The following RC3H2 variants were observed in gnomAD, a reference collection of about 807,000 sequenced individuals.
RC3H2 encodes ring finger and CCCH-type domains 2.
In RC3H2, 31 loss-of-function variants were observed where a neutral mutation model predicts 133.3. The ratio of observed to expected loss-of-function variants is 0.23; its 90% confidence interval spans 0.17 to 0.31. RC3H2 has a LOEUF of 0.31. Ranked by LOEUF, RC3H2 falls within the 10% of genes least tolerant of loss-of-function variation. The pLI is 1.00. For synonymous variants in RC3H2, 517 were observed against 502.2 expected, an observed-to-expected ratio of 1.03 and a Z score of -0.40; for missense variants, 1,175 against 1,437.2, an observed-to-expected ratio of 0.82 and a Z score of 2.95.
At chr9:122,892,515 C>T (rs772645446) in intron 3 of RC3H2, among the ~76,000 whole-genome samples, 1 of 152,064 alleles carries the variant, frequency 6.6e-6, no homozygotes, top group Admixed American at 6.6e-5. Flanking sequence ...GGGTTCACGC[C>T]ATTCTCCTGC....
chr9:122,858,635 T>C (rs371429942), intron 12 of RC3H2, 34 bp downstream of exon 12: 2 of 1,567,000 alleles, frequency 1.3e-6, no homozygotes, highest in Admixed American at 1.7e-5. Flanking sequence ...CACTGGGCTG[T>C]TAATGACTAC....
chr9:122,857,088 A>G (rs1293129711), intron 13 of RC3H2, among the ~76,000 whole-genome samples: 5 of 152,210 alleles, frequency 3.3e-5, no homozygotes, highest in Non-Finnish European at 7.3e-5. Context: ...TCCAGGGGGA[A>G]GAGGGGGTAT....
rs891670470 is a variant in RC3H2 at position 122,852,941 on chromosome 9, G to C, written c.3117+1011C>G. Among the ~76,000 whole-genome samples, 88 of 152,328 alleles carry C rather than the reference G, an allele frequency of 5.8e-4. No individual in the cohort carries two copies. The South Asian group carries it at 0.016, about 28-fold the overall frequency. On this transcript the variant is annotated intron_variant, in intron 18 of 20. Transcript: ENST00000357244. ...AATGGCGGTTTTGTGGAATAGAAAG[G>C]GGGGAAAGGTGGGGAAAAGATTGAG... is the stretch of plus-strand genomic sequence containing the variant.
chr9:122,890,897 C>G (rs1198132087), intron 3 of RC3H2, among the ~76,000 whole-genome samples: 1 of 152,004 alleles, frequency 6.6e-6, no homozygotes, highest in African/African-American at 2.4e-5. Context: ...ATCAAATTTT[C>G]CCTCTTTACT....
chr9:122,869,292 A>G (rs536166076), intron 9 of RC3H2, among the ~76,000 whole-genome samples: 1 of 151,222 alleles, frequency 6.6e-6, no homozygotes, highest in East Asian at 1.9e-4. Flanking sequence ...ATATATGCCT[A>G]AAGTAATGTT....
chr9:122,873,659 A>G (rs1178367308), intron 9 of RC3H2: 1 of 152,004 alleles, frequency 6.6e-6, no homozygotes, highest in African/African-American at 2.4e-5. Flanking sequence ...GTTGCAAGTG[A>G]GCCAAGATCA....
Position 122,890,293 on chromosome 9 carries a change from A to C in RC3H2, c.583+19T>G, listed in dbSNP as rs757816562. ...GCCCCAATAGCTAATAAAAAAGGTAAGATAGTAACCTATCTTACCTGGCCC... is the reference window on the plus strand; with the variant it reads ...GCCCCAATAGCTAATAAAAAAGGTACGATAGTAACCTATCTTACCTGGCCC... On this transcript the variant is annotated intron_variant, in intron 4 of 20. Coordinates refer to ENST00000357244, the MANE Select transcript of RC3H2 (RefSeq NM_001100588.3). 1 of 1,605,792 alleles carries C rather than the reference A, an allele frequency of 6.2e-7. No individual in the cohort carries two copies. Among genetic ancestry groups the C allele is most frequent in the Non-Finnish European group, 8.5e-7 (1 of 1,172,988 alleles).
At chr9:122,854,891 G>A (rs925574178) in intron 15 of RC3H2, among the ~76,000 whole-genome samples, 1 of 152,082 alleles carries the variant, frequency 6.6e-6, no homozygotes, top group Non-Finnish European at 1.5e-5. Flanking sequence ...ATCACATGAG[G>A]CCAGGAGTTC....
At chr9:122,852,820 G>T (rs1264015619) in intron 18 of RC3H2, among the ~76,000 whole-genome samples, 2 of 150,104 alleles carry the variant, frequency 1.3e-5, no homozygotes, top group South Asian at 2.1e-4. Flanking sequence ...GCCTCTGCCC[G>T]GCCGCCCCTA....
Position 122,848,718 on chromosome 9 carries a change from G to C in RC3H2, c.*909C>G, listed in dbSNP as rs538214554. The C allele has an allele frequency of 6.6e-6, 1 of 152,128 alleles. No individual in the cohort carries two copies. Among genetic ancestry groups the C allele is most frequent in the Non-Finnish European group, 1.5e-5 (1 of 67,980 alleles). 9.4% of individuals were successfully genotyped at this position (152,128 alleles called of 1,614,324 possible). A position where few individuals can be genotyped will look rare whatever the true frequency, so the allele number is the denominator to read the frequency against. On this transcript the variant is annotated 3_prime_UTR_variant, in exon 21 of 21. Transcript: ENST00000357244. ...AACGCTACATACAGGGTTTTCTCAA[G>C]AAAGCTGAAAGCACCTGATTCTTTT...
In RC3H2 at chr9:122,860,131, A is replaced by G. The variant is rs754231413; in HGVS notation, c.1635T>C (p.Asn545=). 2 of 1,611,856 alleles carry G rather than the reference A, an allele frequency of 1.2e-6. No homozygotes were observed. The highest frequency in any genetic ancestry group is 1.7e-6 in the Non-Finnish European group (2 of 1,177,980). Residue 545 remains asparagine (N), a splice_region_variant and synonymous_variant, in exon 11 of 21, where the codon AAT becomes AAC. Coordinates refer to ENST00000357244, the MANE Select transcript of RC3H2 (RefSeq NM_001100588.3). ...AGPSADSVTE[N]KIGSPPKTPV... ...GAGTCTTGGGTGGAGAACCAATTTT[A>G]CTGGAGAGAAAATTTAACAAAGGGC...
intron 9 of RC3H2, among the ~76,000 whole-genome samples, chr9:122,870,419 A>T (rs1831031968): frequency 6.6e-6 from 1 of 150,688 alleles, no homozygotes; most frequent in African/African-American, 2.4e-5. Context: ...CAAACAAAAA[A>T]AAAACAACAA....
chr9:122,847,391 T>C lies in RC3H2; in HGVS notation c.*2236A>G, dbSNP rs957569971. Reference sequence around the variant, plus strand: ...GGCACATAAGGAGCTCTCAAACTGTTAATAGGTCTCTATTTTGTAACAAAA... The same window carrying C: ...GGCACATAAGGAGCTCTCAAACTGTCAATAGGTCTCTATTTTGTAACAAAA... On this transcript the variant is annotated 3_prime_UTR_variant, in exon 21 of 21. Transcript: ENST00000357244. 6.6e-6 allele frequency: 1 copy of C among 152,142 alleles called. No individual in the cohort carries two copies. Among genetic ancestry groups the C allele is most frequent in the African/African-American group, 2.4e-5 (1 of 41,428 alleles). The allele number at this position is 152,142 out of a possible 1,614,324, so 9.4% of individuals were successfully genotyped here. A position where few individuals can be genotyped will look rare whatever the true frequency, so the allele number is the denominator to read the frequency against.
At position 122,848,721 on chromosome 9, in the gene RC3H2, A is replaced by G. The variant is rs903842339; in HGVS notation, c.*906T>C. On this transcript the variant is annotated 3_prime_UTR_variant, in exon 21 of 21. Transcript: ENST00000357244. ...GCTACATACAGGGTTTTCTCAAGAA[A>G]GCTGAAAGCACCTGATTCTTTTGCC... is the stretch of plus-strand genomic sequence containing the variant. 2.6e-5 allele frequency: 4 copies of G among 152,200 alleles called. No homozygotes were observed. Among genetic ancestry groups the G allele is most frequent in the Non-Finnish European group, 5.9e-5 (4 of 68,014 alleles). 9.4% of individuals were successfully genotyped at this position (152,200 alleles called of 1,614,324 possible).
intron 18 of RC3H2, among the ~76,000 whole-genome samples, chr9:122,852,018 C>T (rs1473901728): frequency 6.6e-6 from 1 of 151,350 alleles, no homozygotes; most frequent in African/African-American, 2.4e-5. Flanking sequence ...TGAGGACCGT[C>T]TCTGCCCGGC....
rs908660536 is a variant in RC3H2, at chr9:122,868,134, C to A, written c.1326-2477G>T. Among the ~76,000 whole-genome samples the A allele has an allele frequency of 4.8e-3, 712 of 149,084 alleles. 9 individuals are homozygous for A. Among genetic ancestry groups the A allele is most frequent in the African/African-American group, 0.017 (676 of 40,622 alleles). ...GAGGGAGGTGGGGGTGTCAGCCCCC[C>A]GCCCGGCCAGCCGCCCTGTCGGGGA... On this transcript the variant is annotated intron_variant, in intron 9 of 20. Coordinates refer to ENST00000357244, the MANE Select transcript of RC3H2 (RefSeq NM_001100588.3).
At chr9:122,878,267 TTTTTTA>T (rs1458789042) in intron 8 of RC3H2, among the ~76,000 whole-genome samples, 4 of 152,050 alleles carry the variant, frequency 2.6e-5, no homozygotes, top group African/African-American at 9.7e-5. Flanking sequence ...ACCTTTTTTA[TTTTTTA>T]TTTTTATCTT....
At chr9:122,896,522 C>G (rs1832426440) in intron 2 of RC3H2, among the ~76,000 whole-genome samples, 2 of 152,112 alleles carry the variant, frequency 1.3e-5, no homozygotes, top group Non-Finnish European at 2.9e-5. Context: ...ATAATGTAAT[C>G]TAAGGTTTTG....
At chr9:122,899,938 C>A (rs1352434118) in intron 1 of RC3H2, among the ~76,000 whole-genome samples, 1 of 152,170 alleles carries the variant, frequency 6.6e-6, no homozygotes, top group Non-Finnish European at 1.5e-5. Context: ...CCTTAGTTTT[C>A]CAAAGCCTTT....
Sources: gnomAD v4.1 joint callset for allele counts (sites outside exome capture counted in the v4.1 genomes callset) on GRCh38, gnomAD v4.1.1 for gene constraint, MANE v1.5 for transcripts, NCBI Gene and HGNC (gene_info 2026-07-23, HGNC 2026-07-21) for gene names.